TRPC5: variants seen among roughly 807,000 people sequenced by gnomAD.
The protein encoded by TRPC5 is transient receptor potential cation channel subfamily C member 5.
In TRPC5, 9 loss-of-function variants were observed where a neutral mutation model predicts 56.5. That is an observed-to-expected ratio of 0.16 (90% CI 0.10 to 0.28). The LOEUF (loss-of-function observed/expected upper bound fraction) is 0.28, where lower values mean the gene tolerates loss of function less well. TRPC5 is among the 10% of genes least tolerant of loss of function. TRPC5 has a pLI of 1.00. For missense variants in TRPC5, 469 were observed against 748.9 expected (o/e 0.63, Z 4.36); for synonymous variants, 282 against 278.5 (o/e 1.01, Z -0.13).
At chrX:111,805,521 G>T (rs781092895) in intron 7 of TRPC5, among the ~76,000 whole-genome samples, 27 of 111,292 alleles carry the variant, frequency 2.4e-4, no homozygotes, top group Non-Finnish European at 4.3e-4. Context: ...AGGGCATGAA[G>T]AGTACTGACA....
At chrX:111,896,139 A>C (rs1030983591) in intron 3 of TRPC5, 5 of 110,976 alleles carry the variant, frequency 4.5e-5, no homozygotes, top group Non-Finnish European at 9.4e-5. Context: ...TCAAGTTTCC[A>C]GCCCATTATT....
At chrX:111,955,796 T>A (rs981943970) in intron 1 of TRPC5, among the ~76,000 whole-genome samples, 3 of 112,063 alleles carry the variant, frequency 2.7e-5, no homozygotes, top group Admixed American at 1.9e-4. Context: ...GAATGTATTA[T>A]TTGGAAGGTT....
rs563358686 is a variant in TRPC5, at chrX:111,829,747, C to T, written c.1896+5174G>A. Among the ~76,000 whole-genome samples the T allele has an allele frequency of 8.8e-5, 10 of 113,027 alleles. No homozygotes were observed. In the South Asian group the frequency reaches 3.6e-3, roughly 41 times the overall value. On this transcript the variant is annotated intron_variant, in intron 7 of 10. Coordinates refer to ENST00000262839, the MANE Select transcript of TRPC5 (RefSeq NM_012471.3). ...AAGAACTGAGGTTTGGGAACCTCCACCTAGATTTCAGATGATGCATGGAAA... is the reference window on the plus strand; with the variant it reads ...AAGAACTGAGGTTTGGGAACCTCCATCTAGATTTCAGATGATGCATGGAAA...
At chrX:111,809,312 C>T (rs1460247371) in intron 7 of TRPC5, among the ~76,000 whole-genome samples, 1 of 111,492 alleles carries the variant, frequency 9.0e-6, no homozygotes, top group African/African-American at 3.3e-5. Flanking sequence ...GTGAGGCTTA[C>T]TGGAACTCAG....
intron 7 of TRPC5, among the ~76,000 whole-genome samples, chrX:111,818,935 T>C (rs975729609): frequency 9.0e-6 from 1 of 111,624 alleles, no homozygotes; most frequent in Non-Finnish European, 1.9e-5. Flanking sequence ...ATCTTAATAA[T>C]TGCTTGATGA....
chrX:111,907,742 C>T (rs1323783051), intron 3 of TRPC5, among the ~76,000 whole-genome samples: 1 of 111,490 alleles, frequency 9.0e-6, no homozygotes, highest in African/African-American at 3.3e-5. Context: ...TCCAATCCTA[C>T]ATGAGAAGAG....
At chrX:111,997,810 G>A (rs146559077) in intron 1 of TRPC5, among the ~76,000 whole-genome samples, 1,226 of 110,323 alleles carry the variant, frequency 0.011, 22 homozygotes, top group African/African-American at 0.038. Flanking sequence ...CATGCGTCAC[G>A]AAGTTCTCAT....
chrX:111,832,163 T>C (rs1922427790), intron 7 of TRPC5, among the ~76,000 whole-genome samples: 1 of 112,018 alleles, frequency 8.9e-6, no homozygotes, highest in Non-Finnish European at 1.9e-5. Flanking sequence ...CACTGTATCT[T>C]AAGAATAACT....
chrX:111,961,561 C>A (rs1230311754), intron 1 of TRPC5, among the ~76,000 whole-genome samples: 1 of 112,040 alleles, frequency 8.9e-6, no homozygotes, highest in Non-Finnish European at 1.9e-5. Context: ...TCGGTCATGT[C>A]AGGTATACTA....
chrX:111,794,833 G>T (rs1345444184), intron 7 of TRPC5, among the ~76,000 whole-genome samples: 1 of 111,454 alleles, frequency 9.0e-6, no homozygotes, highest in Non-Finnish European at 1.9e-5. Flanking sequence ...ATCTCCCAAA[G>T]GCCCCATCTA....
intron 1 of TRPC5, among the ~76,000 whole-genome samples, chrX:112,059,517 A>G (rs1478596113): frequency 8.9e-6 from 1 of 112,062 alleles, no homozygotes; most frequent in Non-Finnish European, 1.9e-5. Flanking sequence ...CACTCAGTGG[A>G]CAAGGTTGTT....
chrX:111,853,201 A>G (rs1923133326), intron 4 of TRPC5, among the ~76,000 whole-genome samples: 1 of 111,482 alleles, frequency 9.0e-6, no homozygotes. Context: ...TTTGAGTAGC[A>G]AGGACTTAGA....
rs186840505 is a variant in TRPC5 at position 111,910,301 on chromosome X, T to A, written c.900+1990A>T. ...GTAAAGTGAAAAAACACTGAAACAATAATATACATCTTTAATGGAAATATA... is the reference window on the plus strand; with the variant it reads ...GTAAAGTGAAAAAACACTGAAACAAAAATATACATCTTTAATGGAAATATA... On this transcript the variant is annotated intron_variant, in intron 3 of 10. Transcript: ENST00000262839. 2.1e-3 allele frequency among the ~76,000 whole-genome samples: 233 copies of A among 111,874 alleles called. 3 individuals are homozygous for A. Among genetic ancestry groups the A allele is most frequent in the Admixed American group, 0.018 (184 of 10,508 alleles).
At position 111,811,508 on chromosome X, in the gene TRPC5, G is replaced by A. The variant is rs554225241; in HGVS notation, c.1896+23413C>T. On this transcript the variant is annotated intron_variant, in intron 7 of 10. Transcript: ENST00000262839. ...GCCATGGGATACAGTGTTTCTGTAGGCAAATTAGGATGCAGAGGAGGATAG... is the reference window on the plus strand; with the variant it reads ...GCCATGGGATACAGTGTTTCTGTAGACAAATTAGGATGCAGAGGAGGATAG... Among the ~76,000 whole-genome samples the A allele has an allele frequency of 6.1e-4, 69 of 112,420 alleles. 1 individual carries two copies. In the South Asian group the frequency reaches 0.024, roughly 39 times the overall value.
chrX:111,987,233 G>A (rs1928234321), intron 1 of TRPC5, among the ~76,000 whole-genome samples: 1 of 111,799 alleles, frequency 8.9e-6, no homozygotes, highest in Non-Finnish European at 1.9e-5. Flanking sequence ...ATTGTATAAT[G>A]TAAGCTGTGC....
chrX:111,851,470 A>G (rs1485232690), intron 5 of TRPC5, among the ~76,000 whole-genome samples: 2 of 110,350 alleles, frequency 1.8e-5, no homozygotes, highest in African/African-American at 6.6e-5. Flanking sequence ...TATTTTCAGG[A>G]TAATTCGAGC....
intron 1 of TRPC5, among the ~76,000 whole-genome samples, chrX:112,067,880 A>T (rs1055141388): frequency 8.9e-6 from 1 of 112,367 alleles, no homozygotes; most frequent in Non-Finnish European, 1.9e-5. Flanking sequence ...TCCTCTGAGA[A>T]GTTAACCGAA....
At chrX:111,971,742 G>T in intron 1 of TRPC5, among the ~76,000 whole-genome samples, 1 of 111,775 alleles carries the variant, frequency 8.9e-6, no homozygotes, top group Non-Finnish European at 1.9e-5. Context: ...GTTAATGATT[G>T]CTTATGATTC....
intron 1 of TRPC5, among the ~76,000 whole-genome samples, chrX:112,034,039 T>C (rs1929658547): frequency 1.8e-5 from 2 of 112,395 alleles, no homozygotes; most frequent in African/African-American, 6.5e-5. Context: ...TGCTTTGTAG[T>C]AAGTTTTTAA....
Sources: allele counts gnomAD v4.1 joint callset (sites outside exome capture counted in the v4.1 genomes callset), GRCh38; gene constraint gnomAD v4.1.1; transcripts MANE v1.5; gene names NCBI Gene and HGNC (gene_info 2026-07-23, HGNC 2026-07-21).